The following CAMK2D variants were observed in gnomAD, a reference collection of about 807,000 sequenced individuals.
CAMK2D encodes calcium/calmodulin-dependent protein kinase type II subunit delta.
Under a neutral mutation model 84.0 loss-of-function variants are expected in CAMK2D, and 37 were observed. The ratio of observed to expected loss-of-function variants is 0.44; its 90% CI spans 0.34 to 0.58. CAMK2D has a LOEUF of 0.58. CAMK2D is among the 20% of genes least tolerant of loss of function. The pLI is 0.02. For synonymous variants in CAMK2D, 202 were observed against 212.5 expected, an observed-to-expected ratio of 0.95 and a Z score of 0.43; for missense variants, 448 against 652.5, an observed-to-expected ratio of 0.69 and a Z score of 3.41.
chr4:113,495,105 G>A (rs968914572), intron 16 of CAMK2D, among the ~76,000 whole-genome samples: 15 of 152,152 alleles, frequency 9.9e-5, no homozygotes, highest in Non-Finnish European at 1.2e-4. Context: ...CGTCTTCTGC[G>A]TCGCTCAAGC....
At chr4:113,541,519 T>C (rs752594558) in intron 6 of CAMK2D, among the ~76,000 whole-genome samples, 13 of 152,222 alleles carry the variant, frequency 8.5e-5, no homozygotes, top group Non-Finnish European at 1.6e-4. Flanking sequence ...GGCTTTTATT[T>C]GTGCACATCT....
intron 2 of CAMK2D, among the ~76,000 whole-genome samples, chr4:113,758,545 A>C (rs77068339): frequency 0.024 from 3,593 of 152,276 alleles, 51 homozygotes; most frequent in Middle Eastern, 0.048. Flanking sequence ...TTATACCATA[A>C]ATTCCCATGG....
intron 4 of CAMK2D, among the ~76,000 whole-genome samples, chr4:113,599,891 AGAGGAGGAGGAGGAAGAG>A (rs1355594365): frequency 3.3e-5 from 5 of 152,078 alleles, no homozygotes; most frequent in Admixed American, 2.6e-4. Flanking sequence ...AGGAGGAGGA[AGAGGAGGAGGAGGAAGAG>A]GAGAAGTTGG....
At chr4:113,727,249 A>T (rs2099548822) in intron 2 of CAMK2D, among the ~76,000 whole-genome samples, 1 of 152,222 alleles carries the variant, frequency 6.6e-6, no homozygotes. Context: ...AATTTATATA[A>T]AAATGAAAGA....
At chr4:113,580,057 T>C (rs937937461) in intron 4 of CAMK2D, among the ~76,000 whole-genome samples, 3 of 152,246 alleles carry the variant, frequency 2.0e-5, no homozygotes, top group African/African-American at 7.2e-5. Flanking sequence ...TCCCAGATTT[T>C]ACAATGAAAG....
chr4:113,728,206 C>T (rs1179298158), intron 2 of CAMK2D, among the ~76,000 whole-genome samples: 1 of 152,162 alleles, frequency 6.6e-6, no homozygotes, highest in Non-Finnish European at 1.5e-5. Flanking sequence ...CATATATGCT[C>T]ATAGCTGGTT....
At chr4:113,586,524 C>G (rs1467646894) in intron 4 of CAMK2D, among the ~76,000 whole-genome samples, 1 of 152,126 alleles carries the variant, frequency 6.6e-6, no homozygotes, top group African/African-American at 2.4e-5. Context: ...TTATTGTCAA[C>G]CACTTTTCAG....
chr4:113,704,622 A>C (rs925571198), intron 2 of CAMK2D, among the ~76,000 whole-genome samples: 4 of 152,188 alleles, frequency 2.6e-5, no homozygotes, highest in Non-Finnish European at 5.9e-5. Flanking sequence ...GGAAGTGAGA[A>C]GGGAGAGAGT....
intron 1 of CAMK2D, among the ~76,000 whole-genome samples, chr4:113,760,139 C>A (rs868265287): frequency 3.9e-5 from 6 of 152,102 alleles, no homozygotes; most frequent in Admixed American, 1.3e-4. Context: ...GGGTTCCATG[C>A]TACAAAAATC....
chr4:113,689,711 C>T (rs576694615), intron 2 of CAMK2D, among the ~76,000 whole-genome samples: 8 of 152,302 alleles, frequency 5.3e-5, no homozygotes, highest in Non-Finnish European at 1.2e-4. Flanking sequence ...AGCAGCCCCA[C>T]TATCATTTTA....
chr4:113,603,969 AT>A (rs1044532261), intron 4 of CAMK2D, among the ~76,000 whole-genome samples: 39 of 151,382 alleles, frequency 2.6e-4, no homozygotes, highest in African/African-American at 8.7e-4. Flanking sequence ...AAAGAAGAAA[AT>A]TTTTTCATAG....
intron 3 of CAMK2D, among the ~76,000 whole-genome samples, chr4:113,660,096 T>G (rs548307128): frequency 6.6e-6 from 1 of 152,276 alleles, no homozygotes; most frequent in East Asian, 1.9e-4. Context: ...CAGTGAAAGA[T>G]TTTGCAAATT....
At chr4:113,554,337 T>G (rs1260716786) in intron 4 of CAMK2D, among the ~76,000 whole-genome samples, 1 of 152,144 alleles carries the variant, frequency 6.6e-6, no homozygotes, top group Non-Finnish European at 1.5e-5. Flanking sequence ...ATACCAAAGT[T>G]TAGCTATACA....
intron 5 of CAMK2D, among the ~76,000 whole-genome samples, chr4:113,549,191 G>C (rs995893548): frequency 1.3e-5 from 2 of 152,134 alleles, no homozygotes; most frequent in Non-Finnish European, 2.9e-5. Context: ...TGAAGTGGCA[G>C]GTGAAACAAG....
At chr4:113,506,890 T>G (rs565967189) in intron 13 of CAMK2D, among the ~76,000 whole-genome samples, 1 of 148,582 alleles carries the variant, frequency 6.7e-6, no homozygotes, top group Non-Finnish European at 1.5e-5. Context: ...AGTGCACATG[T>G]TCCCCCCCCC....
At chr4:113,635,160 A>C (rs2189366) in intron 3 of CAMK2D, among the ~76,000 whole-genome samples, 24,699 of 152,174 alleles carry the variant, frequency 0.16, 3,413 homozygotes, top group African/African-American at 0.35. Context: ...TGAGAAAGAA[A>C]TAATCAAAAT....
chr4:113,549,621 A>C (rs1295270657), intron 5 of CAMK2D, among the ~76,000 whole-genome samples: 1 of 152,228 alleles, frequency 6.6e-6, no homozygotes, highest in African/African-American at 2.4e-5. Flanking sequence ...ATAATGCAGA[A>C]CACATCACAC....
At chr4:113,737,402 T>C (rs973578072) in intron 2 of CAMK2D, among the ~76,000 whole-genome samples, 1 of 152,102 alleles carries the variant, frequency 6.6e-6, no homozygotes, top group African/African-American at 2.4e-5. Flanking sequence ...AGACAAGTAG[T>C]GTATGCTTCC....
chr4:113,687,216 G>C (rs1390540313), intron 2 of CAMK2D, among the ~76,000 whole-genome samples: 1 of 152,124 alleles, frequency 6.6e-6, no homozygotes, highest in African/African-American at 2.4e-5. Flanking sequence ...CCATTCAGGT[G>C]TTACTGAAAT....
Sources: allele counts gnomAD v4.1 joint callset (sites outside exome capture counted in the v4.1 genomes callset), GRCh38; gene constraint gnomAD v4.1.1; transcripts MANE v1.5; gene names NCBI Gene and HGNC (gene_info 2026-07-23, HGNC 2026-07-21).